VPS37B: variants seen among roughly 807,000 people sequenced by gnomAD.
VPS37B encodes the protein VPS37B subunit of ESCRT-I, also known as vacuolar protein sorting-associated protein 37B.
A neutral mutation model predicts 21.2 loss-of-function variants in VPS37B; 11 were observed. The observed-to-expected ratio is 0.52, with a 90% CI of 0.33 to 0.86. The LOEUF (loss-of-function observed/expected upper bound fraction) is 0.86, where lower values mean the gene tolerates loss of function less well. Among genes scored for constraint, VPS37B ranks in the 40% least tolerant of loss-of-function variants. The probability of loss-of-function intolerance (pLI) is 0.03; values close to 1 mark genes in which losing one functional copy is unlikely to be tolerated. For missense variants in VPS37B, 389 were observed against 374.8 expected (o/e 1.04, Z -0.31); for synonymous variants, 175 against 159.6 (o/e 1.10, Z -0.73).
rs1171444238 is a variant in VPS37B, at chr12:122,868,144, G to A, written c.366+336C>T. Among the ~76,000 whole-genome samples, 4 of 152,224 alleles carry A rather than the reference G, an allele frequency of 2.6e-5. No homozygotes were observed. Among genetic ancestry groups the A allele is most frequent in the South Asian group, 2.1e-4 (1 of 4,832 alleles). ...TCAAGGCTCTAATGCGCAGCTGGAC[G>A]TGTCCCAGAAGCTCTGTAGCCTCCT... On this transcript the variant is annotated intron_variant, in intron 3 of 3. Coordinates refer to ENST00000267202, the MANE Select transcript of VPS37B (RefSeq NM_024667.3). This position sits in a 1 kb window ranked among gnomAD's most constrained non-coding sequence, Gnocchi z 5.5.
intron 1 of VPS37B, chr12:122,875,321 T>A (rs2034128997): frequency 6.7e-6 from 1 of 149,670 alleles, no homozygotes; most frequent in Non-Finnish European, 1.5e-5. Flanking sequence ...GTAATCTCCC[T>A]GCCTCGGCCT....
At chr12:122,894,752 T>C (rs1459686898) in intron 1 of VPS37B, among the ~76,000 whole-genome samples, 2 of 152,076 alleles carry the variant, frequency 1.3e-5, no homozygotes, top group Non-Finnish European at 2.9e-5. Context: ...AAGGATGAAG[T>C]CAGTTACCCG....
intron 2 of VPS37B, among the ~76,000 whole-genome samples, chr12:122,869,672 C>T (rs1357191140): frequency 4.6e-5 from 7 of 152,192 alleles, no homozygotes; most frequent in Non-Finnish European, 8.8e-5. Context: ...TACAGTAATG[C>T]AATCACAGTT....
At chr12:122,895,924 C>T in intron 1 of VPS37B, 28 bp downstream of exon 1, 1 of 1,604,686 alleles carries the variant, frequency 6.2e-7, no homozygotes, top group Non-Finnish European at 8.5e-7. Context: ...GGCCTCACAG[C>T]CGCCGCCTTA....
At chr12:122,874,627 C>T (rs1449873706) in intron 1 of VPS37B, 2 of 152,146 alleles carry the variant, frequency 1.3e-5, no homozygotes, top group Admixed American at 6.6e-5. Context: ...CACACATAAG[C>T]CACCAGGCAT....
intron 1 of VPS37B, 96 bp from the exon 2 acceptor site, chr12:122,871,157 T>A (rs1182556889): frequency 6.7e-7 from 1 of 1,501,830 alleles, no homozygotes; most frequent in African/African-American, 1.4e-5. Flanking sequence ...GTGCAGCTGC[T>A]GCCACCTCAC....
rs2033895646 is a variant in VPS37B, at chr12:122,866,155, G to A, written c.*961C>T. 2 of 152,680 alleles carry A rather than the reference G, an allele frequency of 1.3e-5. No homozygotes were observed. Among genetic ancestry groups the A allele is most frequent in the Admixed American group, 1.3e-4 (2 of 15,288 alleles). 9.5% of individuals were successfully genotyped at this position (152,680 alleles called of 1,614,324 possible). On this transcript the variant is annotated 3_prime_UTR_variant, in exon 4 of 4. Transcript: ENST00000267202. ...GCCTTGCCCAGCCCCTAGCAGGTGTGAGTCCCGGCACCTGGGGAAGCTAAG... is the reference window on the plus strand; with the variant it reads ...GCCTTGCCCAGCCCCTAGCAGGTGTAAGTCCCGGCACCTGGGGAAGCTAAG...
intron 2 of VPS37B, chr12:122,870,494 G>A (rs78757236): frequency 0.013 from 2,104 of 167,778 alleles, 50 homozygotes; most frequent in African/African-American, 0.047. Flanking sequence ...TGTAATAGCA[G>A]CACTTTGTGA....
chr12:122,891,300 T>C (rs2034407400), intron 1 of VPS37B, among the ~76,000 whole-genome samples: 1 of 152,358 alleles, frequency 6.6e-6, no homozygotes. Context: ...TGCATCTTAA[T>C]AAAAGGGAGC....
At position 122,868,633 on chromosome 12, in the gene VPS37B, G is replaced by A. The variant is rs1461899093; in HGVS notation, c.284-71C>T. The A allele has an allele frequency of 4.5e-6, 6 of 1,320,602 alleles. No individual in the cohort carries two copies. Among genetic ancestry groups the A allele is most frequent in the Admixed American group, 1.9e-5 (1 of 53,424 alleles). The allele number at this position is 1,320,602 out of a possible 1,614,324, so 81.8% of individuals were successfully genotyped here. ...TAAAGCCCTTCATGATGCCAACCAC[G>A]GCAGGATTGCACCTTCCTTTCCAGG... is the stretch of plus-strand genomic sequence containing the variant. On this transcript the variant is annotated intron_variant, in intron 2 of 3. Transcript: ENST00000267202. The surrounding 1 kb of genome is among the most constrained non-coding windows in gnomAD (Gnocchi z 5.5).
At chr12:122,888,536 T>C (rs1369830253) in intron 1 of VPS37B, 13 of 455,888 alleles carry the variant, frequency 2.9e-5, no homozygotes, top group Non-Finnish European at 4.4e-5. Context: ...TGAATCTCCA[T>C]AGCAACATTC....
rs1351337864 is a variant in VPS37B at position 122,865,822 on chromosome 12, T to G, written c.*1294A>C. Reference sequence around the variant, plus strand: ...TCCACTGGTAAGCACCTCGGCCTTTTCCGTCAACAGGTGCCACTGCCCCCT... The same window carrying G: ...TCCACTGGTAAGCACCTCGGCCTTTGCCGTCAACAGGTGCCACTGCCCCCT... On this transcript the variant is annotated 3_prime_UTR_variant, in exon 4 of 4. Coordinates refer to ENST00000267202, the MANE Select transcript of VPS37B (RefSeq NM_024667.3). The G allele has an allele frequency of 6.6e-6, 1 of 152,270 alleles. No individual in the cohort carries two copies. Among genetic ancestry groups the G allele is most frequent in the African/African-American group, 2.4e-5 (1 of 41,456 alleles). 9.4% of individuals were successfully genotyped at this position (152,270 alleles called of 1,614,324 possible).
Position 122,867,316 on chromosome 12 carries a change from C to CT in VPS37B, c.657dup (p.Ala220SerfsTer114). 2 of 1,445,782 alleles carry CT rather than the reference C, an allele frequency of 1.4e-6. No homozygotes were observed. Among genetic ancestry groups the CT allele is most frequent in the Non-Finnish European group, 1.9e-6 (2 of 1,055,424 alleles). The allele number at this position is 1,445,782 out of a possible 1,614,324, so 89.6% of individuals were successfully genotyped here. The stretch of plus-strand genomic sequence containing the variant: ...CTCATGGCCGCAGTAAACGGGGTGG[C>CT]TAAGCGTCCCGCAGGCACCGGGGGT... On this transcript the variant is annotated frameshift_variant, in exon 4 of 4. Transcript: ENST00000267202. LOFTEE classifies it high-confidence loss of function. The surrounding 1 kb of genome is among the most constrained non-coding windows in gnomAD (Gnocchi z 5.5).
rs1029052208 is a variant in VPS37B, at chr12:122,896,070, T to G, written c.-8A>C. On this transcript the variant is annotated 5_prime_UTR_variant, in exon 1 of 4. Transcript: ENST00000267202. ...GCTCCCGGCGCCCGCCATCCCCACG[T>G]CTCGGCCGTCGTCGCCACCGCCGCT... The G allele has an allele frequency of 6.4e-7, 1 of 1,565,604 alleles. No individual in the cohort carries two copies. The highest frequency in any genetic ancestry group is 8.6e-7 in the Non-Finnish European group (1 of 1,163,332).
chr12:122,887,042 T>A (rs2034340084), intron 1 of VPS37B: 1 of 152,188 alleles, frequency 6.6e-6, no homozygotes, highest in African/African-American at 2.4e-5. Context: ...TTCCCCACAG[T>A]CTTAACATTT....
chr12:122,866,203 G>A lies in VPS37B; in HGVS notation c.*913C>T, dbSNP rs1465888936. 1 of 152,634 alleles carries A rather than the reference G, an allele frequency of 6.6e-6. No homozygotes were observed. The highest frequency in any genetic ancestry group is 1.5e-5 in the Non-Finnish European group (1 of 68,028). 9.5% of individuals were successfully genotyped at this position (152,634 alleles called of 1,614,324 possible). A position where few individuals can be genotyped will look rare whatever the true frequency, so the allele number is the denominator to read the frequency against. ...AAGGCACAGCACGGACACCCGAGGGGGGGGCACCGTGCACTGCTTGCACAA... is the reference window on the plus strand; with the variant it reads ...AAGGCACAGCACGGACACCCGAGGGAGGGGCACCGTGCACTGCTTGCACAA... On this transcript the variant is annotated 3_prime_UTR_variant, in exon 4 of 4. Transcript: ENST00000267202.
At chr12:122,891,891 G>A (rs1252459605) in intron 1 of VPS37B, among the ~76,000 whole-genome samples, 1 of 152,232 alleles carries the variant, frequency 6.6e-6, no homozygotes, top group Non-Finnish European at 1.5e-5. Context: ...CAGACCCTCA[G>A]CATTTTTGCA....
At position 122,867,508 on chromosome 12, in the gene VPS37B, T is replaced by C. The variant is rs772774619; in HGVS notation, c.466A>G (p.Ile156Val). The C allele has an allele frequency of 6.2e-7, 1 of 1,614,000 alleles. No homozygotes were observed. Among genetic ancestry groups the C allele is most frequent in the Admixed American group, 1.7e-5 (1 of 60,020 alleles). The change falls in exon 4 of 4, where the codon ATC (isoleucine) becomes GTC (valine). Residue 156 changes from isoleucine to valine, a missense_variant. Ile to Val is a conservative substitution (Grantham distance 29, BLOSUM62 3). Coordinates refer to ENST00000267202, the MANE Select transcript of VPS37B (RefSeq NM_024667.3). The surrounding 1 kb of genome is among the most constrained non-coding windows in gnomAD (Gnocchi z 5.5). Reference protein sequence around the residue: ...RKLAHMRRVKIEKLQEMVLKG... With the variant: ...RKLAHMRRVKVEKLQEMVLKG... ...AGGACCATCTCCTGGAGCTTCTCGATTTTCACCCGTCGCATGTGGGCCAGT... is the reference window on the plus strand; with the variant it reads ...AGGACCATCTCCTGGAGCTTCTCGACTTTCACCCGTCGCATGTGGGCCAGT...
rs1566122486 is a variant in VPS37B, at chr12:122,867,628, G to A, written c.367-21C>T. ...ATGTTCTGAAAGAGGCAGAAACCTGGTTACAGGGACAGCCAGATGGGGAGG... is the reference window on the plus strand; with the variant it reads ...ATGTTCTGAAAGAGGCAGAAACCTGATTACAGGGACAGCCAGATGGGGAGG... On this transcript the variant is annotated intron_variant, in intron 3 of 3. Transcript: ENST00000267202. This position sits in a 1 kb window ranked among gnomAD's most constrained non-coding sequence, Gnocchi z 5.5. 2 of 1,610,138 alleles carry A rather than the reference G, an allele frequency of 1.2e-6. No homozygotes were observed.
Sources: gnomAD v4.1 joint callset for allele counts (sites outside exome capture counted in the v4.1 genomes callset) on GRCh38, gnomAD v4.1.1 for gene constraint, Gnocchi (gnomAD v3.1) non-coding constraint, MANE v1.5 for transcripts, NCBI Gene and HGNC (gene_info 2026-07-23, HGNC 2026-07-21) for gene names.